Variants in AGR3 observed in about 807,000 individuals in gnomAD.
AGR3 encodes anterior gradient 3, protein disulphide isomerase family member.
AGR3 carries 37 observed loss-of-function variants against 24.5 expected under a neutral mutation model. The observed-to-expected ratio is 1.51, with a 90% CI of 1.16 to 1.99. The LOEUF (loss-of-function observed/expected upper bound fraction) is 1.99, where lower values mean the gene tolerates loss of function less well. Among genes scored for constraint, AGR3 ranks in the 30% most tolerant of loss-of-function variants. The probability of loss-of-function intolerance (pLI) is 0.00; values close to 1 mark genes in which losing one functional copy is unlikely to be tolerated. For synonymous variants in AGR3, 75 were observed against 61.6 expected (o/e 1.22, Z -1.02); for missense variants, 228 against 191.1 (o/e 1.19, Z -1.14).
rs548411589 is a variant in AGR3 at position 16,867,633 on chromosome 7, C to T, written c.174-4971G>A. Among the ~76,000 whole-genome samples the T allele has an allele frequency of 7.2e-5, 11 of 152,208 alleles. No individual in the cohort carries two copies. In the East Asian group the frequency reaches 1.4e-3, roughly 19 times the overall value. ...TATTTCACTTAACTGAAATGTGTGT[C>T]CTTTGAGCAAGAACTCCCCATCCTC... On this transcript the variant is annotated intron_variant, in intron 3 of 7. Transcript: ENST00000310398.
intron 3 of AGR3, among the ~76,000 whole-genome samples, chr7:16,868,611 A>T (rs1033620205): frequency 6.6e-6 from 1 of 150,974 alleles, no homozygotes; most frequent in African/African-American, 2.4e-5. Context: ...TTATTTCTTC[A>T]CTCTGTTATT....
At chr7:16,877,606 G>A (rs12155251) in intron 2 of AGR3, among the ~76,000 whole-genome samples, 23,229 of 151,458 alleles carry the variant, frequency 0.15, 2,068 homozygotes, top group Admixed American at 0.23. Flanking sequence ...GCTCACGCCT[G>A]TAATCCCAGC....
intron 2 of AGR3, among the ~76,000 whole-genome samples, chr7:16,874,583 C>T (rs558773723): frequency 3.3e-5 from 5 of 152,122 alleles, no homozygotes; most frequent in African/African-American, 1.2e-4. Context: ...TCTCAGTCTA[C>T]GAATGAGAGA....
downstream of AGR3, among the ~76,000 whole-genome samples, chr7:16,857,221 G>T (rs28649366): frequency 1.3e-5 from 2 of 151,948 alleles, no homozygotes; most frequent in African/African-American, 2.4e-5. Context: ...AACTGATTAT[G>T]GAATATTTAT....
At chr7:16,859,734 C>A (rs1274781993) in intron 7 of AGR3, 103 bp from the exon 8 acceptor site, 2 of 691,822 alleles carry the variant, frequency 2.9e-6, no homozygotes, top group African/African-American at 1.8e-5. Flanking sequence ...AAATTAATAG[C>A]TTTGAACATG....
At chr7:16,863,730 A>C (rs188420352) in intron 3 of AGR3, among the ~76,000 whole-genome samples, 49 of 151,932 alleles carry the variant, frequency 3.2e-4, no homozygotes, top group South Asian at 2.1e-3. Flanking sequence ...CTTTTATATT[A>C]TATTCTATTA....
In AGR3 at chr7:16,860,546, T is replaced by C; in HGVS notation, c.405A>G (p.Arg135=). ...CATATGTGTACAATCTGTTAGAGTATCTTCCAGCTATGTCAGCTCTAACTG... is the reference window on the plus strand; with the variant it reads ...CATATGTGTACAATCTGTTAGAGTACCTTCCAGCTATGTCAGCTCTAACTG... ...SLTVRADIAG[R]YSNRLYTYEP... is the part of the protein sequence containing the mutation. The change falls in exon 7 of 8, where the codon AGA becomes AGG. Residue 135 remains arginine, a synonymous_variant. Coordinates refer to ENST00000310398, the MANE Select transcript of AGR3 (RefSeq NM_176813.5). 2.5e-6 allele frequency: 4 copies of C among 1,613,766 alleles called. No homozygotes were observed. The East Asian group carries it at 8.9e-5, about 36-fold the overall frequency.
At chr7:16,865,760 C>G (rs1395848597) in intron 3 of AGR3, 2 of 753,366 alleles carry the variant, frequency 2.7e-6, no homozygotes, top group African/African-American at 1.7e-5. Flanking sequence ...CATATGGAAG[C>G]TTGATTCAGT....
intron 3 of AGR3, among the ~76,000 whole-genome samples, chr7:16,863,217 A>C (rs1303762272): frequency 1.3e-5 from 2 of 152,248 alleles, no homozygotes; most frequent in African/African-American, 4.8e-5. Flanking sequence ...AGAGAAAATC[A>C]ATTCTGTATC....
At chr7:16,856,976 GT>G (rs34712776), downstream of AGR3, among the ~76,000 whole-genome samples, 12,697 of 144,146 alleles carry the variant, frequency 0.088, 660 homozygotes, top group Non-Finnish European at 0.12. Context: ...ATATAGAAAG[GT>G]TTTTTTTTTT....
chr7:16,870,379 C>T (rs2115308437), intron 3 of AGR3, among the ~76,000 whole-genome samples: 1 of 149,892 alleles, frequency 6.7e-6, no homozygotes, highest in Non-Finnish European at 1.5e-5. Context: ...TCTACATTTT[C>T]TACTTTTTCC....
intron 3 of AGR3, chr7:16,865,727 GCTAT>G (rs1781746589): frequency 1.3e-6 from 1 of 759,264 alleles, no homozygotes; most frequent in South Asian, 1.4e-5. Flanking sequence ...TTTGCAAACT[GCTAT>G]CTGAGACTGA....
intron 3 of AGR3, among the ~76,000 whole-genome samples, chr7:16,867,546 C>T (rs980998799): frequency 6.6e-6 from 1 of 152,080 alleles, no homozygotes; most frequent in Non-Finnish European, 1.5e-5. Context: ...CAGCAATTTT[C>T]ATGTATAAAA....
intron 5 of AGR3, 63 bp from the exon 6 acceptor site, chr7:16,861,510 G>T: frequency 7.2e-7 from 1 of 1,383,286 alleles, no homozygotes; most frequent in Middle Eastern, 1.8e-4. Context: ...GTTTCAAGAT[G>T]ATTTTGTGTG....
intron 2 of AGR3, among the ~76,000 whole-genome samples, chr7:16,875,745 T>G (rs73082156): frequency 0.026 from 3,982 of 152,046 alleles, 79 homozygotes; most frequent in Non-Finnish European, 0.044. Flanking sequence ...TGTTTTTTGT[T>G]TTTTTTTGCC....
At chr7:16,863,894 T>G (rs955934987) in intron 3 of AGR3, among the ~76,000 whole-genome samples, 1 of 152,140 alleles carries the variant, frequency 6.6e-6, no homozygotes, top group Admixed American at 6.6e-5. Flanking sequence ...ACACCCATAA[T>G]TGCATCCTAA....
intron 2 of AGR3, among the ~76,000 whole-genome samples, chr7:16,876,089 TG>T (rs1411766935): frequency 6.6e-6 from 1 of 152,140 alleles, no homozygotes; most frequent in East Asian, 1.9e-4. Flanking sequence ...CACAAAGCAG[TG>T]GGAATACAAA....
intron 4 of AGR3, 22 bp downstream of exon 4, chr7:16,862,588 A>G: frequency 7.0e-7 from 1 of 1,433,220 alleles, no homozygotes; most frequent in Non-Finnish European, 9.3e-7. Context: ...TATTATAATA[A>G]GATATCAGGG....
chr7:16,860,461 A>T, intron 7 of AGR3, 39 bp downstream of exon 7: 1 of 1,452,620 alleles, frequency 6.9e-7, no homozygotes. Flanking sequence ...GTCAGGGGTC[A>T]GCTATGACCA....
Sources: gnomAD v4.1 joint callset for allele counts (sites outside exome capture counted in the v4.1 genomes callset) on GRCh38, gnomAD v4.1.1 for gene constraint, MANE v1.5 for transcripts, NCBI Gene and HGNC (gene_info 2026-07-23, HGNC 2026-07-21) for gene names.